The following MED13L variants were observed in gnomAD, a reference collection of about 807,000 sequenced individuals.
MED13L encodes mediator of RNA polymerase II transcription subunit 13-like.
MED13L carries 7 observed loss-of-function variants against 220.9 expected under a neutral mutation model. That is an observed-to-expected ratio of 0.03 (90% CI 0.02 to 0.06). The LOEUF (loss-of-function observed/expected upper bound fraction) is 0.06. Ranked by LOEUF, MED13L falls within the 10% of genes least tolerant of loss-of-function variation. MED13L has a pLI of 1.00. For synonymous variants in MED13L, 1,011 were observed against 1,015.2 expected, an observed-to-expected ratio of 1.00 and a Z score of 0.08; for missense variants, 1,965 against 2,760.5, an observed-to-expected ratio of 0.71 and a Z score of 6.46.
chr12:116,246,811 G>A (rs1402245202), intron 1 of MED13L, among the ~76,000 whole-genome samples: 1 of 79,384 alleles, frequency 1.3e-5, no homozygotes, highest in Non-Finnish European at 2.6e-5. Context: ...GGGAGGTGGG[G>A]AGGGGAAGGG....
chr12:116,172,282 G>A (rs1879736778), intron 2 of MED13L, among the ~76,000 whole-genome samples: 1 of 152,148 alleles, frequency 6.6e-6, no homozygotes, highest in Non-Finnish European at 1.5e-5. Flanking sequence ...ATTTCCGGAT[G>A]TAAAAAATTC....
At chr12:116,240,922 A>G (rs1445505764) in intron 1 of MED13L, among the ~76,000 whole-genome samples, 2 of 152,210 alleles carry the variant, frequency 1.3e-5, no homozygotes, top group African/African-American at 4.8e-5. Flanking sequence ...CAAAAAGGTA[A>G]GCAGAAGACT....
intron 23 of MED13L, among the ~76,000 whole-genome samples, chr12:115,980,068 C>A (rs1877218271): frequency 6.6e-6 from 1 of 152,186 alleles, no homozygotes. Context: ...GTAAACACAA[C>A]TACAACTGTT....
At chr12:116,159,787 T>C (rs907358692) in intron 2 of MED13L, among the ~76,000 whole-genome samples, 1 of 150,600 alleles carries the variant, frequency 6.6e-6, no homozygotes, top group Admixed American at 6.6e-5. Flanking sequence ...TTTAATTCCA[T>C]AACAGCTTCT....
intron 2 of MED13L, among the ~76,000 whole-genome samples, chr12:116,154,534 C>G (rs192031815): frequency 6.6e-6 from 1 of 152,088 alleles, no homozygotes; most frequent in Non-Finnish European, 1.5e-5. Flanking sequence ...TGAGATCAAA[C>G]TCACCTTCTC....
At chr12:116,216,950 C>A (rs951815511) in intron 2 of MED13L, among the ~76,000 whole-genome samples, 1 of 152,176 alleles carries the variant, frequency 6.6e-6, no homozygotes, top group Non-Finnish European at 1.5e-5. Flanking sequence ...GGACAGAAAA[C>A]TTAAAGCAAA....
chr12:116,133,185 A>C (rs1876230398), intron 2 of MED13L, among the ~76,000 whole-genome samples: 1 of 152,260 alleles, frequency 6.6e-6, no homozygotes, highest in African/African-American at 2.4e-5. Flanking sequence ...GTTCAAAAAA[A>C]TGAGAACCAA....
intron 2 of MED13L, among the ~76,000 whole-genome samples, chr12:116,213,290 C>T (rs2138360448): frequency 6.6e-6 from 1 of 152,208 alleles, no homozygotes; most frequent in East Asian, 1.9e-4. Flanking sequence ...CTCCCAGCTG[C>T]AATAAACTGC....
chr12:116,237,724 T>C lies in MED13L; in HGVS notation c.73-19A>G, dbSNP rs369506837. ...GTTCAGCCTGGAAAAAGACAAAAAA[T>C]TGTAATCGTTTTCTCATTTTACTTA... is the stretch of plus-strand genomic sequence containing the variant. On this transcript the variant is annotated intron_variant, in intron 1 of 30. Coordinates refer to ENST00000281928, the MANE Select transcript of MED13L (RefSeq NM_015335.5). 6.2e-7 allele frequency: 1 copy of C among 1,603,566 alleles called. No individual in the cohort carries two copies. The highest frequency in any genetic ancestry group is 8.5e-7 in the Non-Finnish European group (1 of 1,170,446).
chr12:116,164,060 A>C (rs1440162155), intron 2 of MED13L, among the ~76,000 whole-genome samples: 1 of 152,248 alleles, frequency 6.6e-6, no homozygotes, highest in East Asian at 1.9e-4. Context: ...AATATTTCCC[A>C]GAAATTTTCA....
chr12:116,200,665 A>T (rs1290032534), intron 2 of MED13L, among the ~76,000 whole-genome samples: 1 of 152,238 alleles, frequency 6.6e-6, no homozygotes, highest in Non-Finnish European at 1.5e-5. Flanking sequence ...GCATGAAACC[A>T]GCAGTAGTAC....
intron 29 of MED13L, 35 bp downstream of exon 29, chr12:115,966,047 T>C: frequency 1.2e-6 from 2 of 1,609,702 alleles, no homozygotes; most frequent in Non-Finnish European, 1.7e-6. Context: ...AAATCACTCA[T>C]TCCTTGCAAA....
At chr12:116,194,261 G>T (rs965456224) in intron 2 of MED13L, among the ~76,000 whole-genome samples, 8 of 152,050 alleles carry the variant, frequency 5.3e-5, no homozygotes, top group Non-Finnish European at 1.5e-5. Flanking sequence ...CACCTCCTGG[G>T]TTTAAGCGAT....
intron 2 of MED13L, among the ~76,000 whole-genome samples, chr12:116,186,749 C>T (rs1880928714): frequency 6.6e-6 from 1 of 152,176 alleles, no homozygotes; most frequent in South Asian, 2.1e-4. Flanking sequence ...AAGGTCAAAA[C>T]CTAAAACACA....
chr12:116,022,479 T>G lies in MED13L; in HGVS notation c.602A>C (p.Gln201Pro). The G allele has an allele frequency of 1.9e-6, 3 of 1,613,814 alleles. No homozygotes were observed. Among genetic ancestry groups the G allele is most frequent in the Non-Finnish European group, 1.7e-6 (2 of 1,179,854 alleles). ...ACCTTGAAATGGTGCAGGTGAAGAC[T>G]GAGCCATGTGTATATGCTCCTCATT... ...LINEEHIHMAQSSPAPFQVLV... is the reference protein window; with the variant it reads ...LINEEHIHMAPSSPAPFQVLV... The change falls in exon 5 of 31, where the codon CAG (glutamine) becomes CCG (proline). Residue 201 changes from glutamine to proline, a missense_variant. Physicochemically the swap from Gln to Pro is moderately conservative, Grantham distance 76. This residue lies in a region of MED13L where 818 missense variants were observed against 1,041.2 expected (regional missense o/e 0.79). Transcript: ENST00000281928.
chr12:115,983,193 G>C lies in MED13L; in HGVS notation c.4879C>G (p.Gln1627Glu). The part of the protein sequence containing the change: ...STGGISADRT[Q>E]GNIGCGGDTD... ...TCTCCACCACAGCCTATGTTCCCTT[G>C]CGTTCTATCCGCAGAAATGCCCCCA... Residue 1627 changes from glutamine to glutamate, a missense_variant, in exon 21 of 31, where the codon CAA becomes GAA. Transcript: ENST00000281928. 6.2e-7 allele frequency: 1 copy of C among 1,614,136 alleles called. No homozygotes were observed. Among genetic ancestry groups the C allele is most frequent in the Non-Finnish European group, 8.5e-7 (1 of 1,180,006 alleles).
intron 1 of MED13L, among the ~76,000 whole-genome samples, chr12:116,243,667 T>A (rs1269148058): frequency 1.3e-5 from 2 of 151,724 alleles, no homozygotes; most frequent in African/African-American, 4.8e-5. Flanking sequence ...TCCTCAGAGT[T>A]AAAACCACAT....
At chr12:116,082,817 G>A (rs1234822164) in intron 4 of MED13L, 1 of 152,162 alleles carries the variant, frequency 6.6e-6, no homozygotes, top group Non-Finnish European at 1.5e-5. Flanking sequence ...TCAAACCTCT[G>A]AAAACATTTG....
At chr12:116,072,723 G>C (rs1870483318) in intron 4 of MED13L, among the ~76,000 whole-genome samples, 1 of 152,174 alleles carries the variant, frequency 6.6e-6, no homozygotes, top group Non-Finnish European at 1.5e-5. Flanking sequence ...CTTTTGTGAA[G>C]TCAATAAAAT....
Sources: allele counts gnomAD v4.1 joint callset (sites outside exome capture counted in the v4.1 genomes callset), GRCh38; gene constraint gnomAD v4.1.1; regional missense constraint gnomAD v4.1.1; transcripts MANE v1.5; gene names NCBI Gene and HGNC (gene_info 2026-07-23, HGNC 2026-07-21).